Variants in CRACR2A observed in about 807,000 individuals in gnomAD.
The protein encoded by CRACR2A is EF-hand calcium-binding domain-containing protein 4B.
In CRACR2A, 79 loss-of-function variants were observed where a neutral mutation model predicts 90.5. The ratio of observed to expected loss-of-function variants is 0.87; its 90% CI spans 0.73 to 1.05. The LOEUF is 1.05. Among genes scored for constraint, CRACR2A ranks in the 50% least tolerant of loss-of-function variants. CRACR2A has a pLI of 0.00. For missense variants in CRACR2A, 823 were observed against 897.2 expected, an observed-to-expected ratio of 0.92 and a Z score of 1.06; for synonymous variants, 338 against 356.7, an observed-to-expected ratio of 0.95 and a Z score of 0.59.
chr12:3,749,849 G>C (rs976201115), intron 1 of CRACR2A, among the ~76,000 whole-genome samples: 2 of 145,884 alleles, frequency 1.4e-5, no homozygotes, highest in Admixed American at 6.8e-5. Flanking sequence ...GTGTTGTGTT[G>C]GTAGGAACAA....
At chr12:3,668,716 T>C (rs1416673937) in intron 7 of CRACR2A, among the ~76,000 whole-genome samples, 2 of 152,208 alleles carry the variant, frequency 1.3e-5, no homozygotes, top group Non-Finnish European at 1.5e-5. Flanking sequence ...CCATCATAGC[T>C]GGGGCTGCCT....
intron 5 of CRACR2A, among the ~76,000 whole-genome samples, chr12:3,679,725 T>C (rs977469048): frequency 6.6e-6 from 1 of 152,246 alleles, no homozygotes; most frequent in African/African-American, 2.4e-5. Flanking sequence ...GGTTTCTTTA[T>C]ATTGTTCATA....
At chr12:3,715,404 G>C (rs1946069135) in intron 2 of CRACR2A, among the ~76,000 whole-genome samples, 1 of 152,224 alleles carries the variant, frequency 6.6e-6, no homozygotes, top group South Asian at 2.1e-4. Flanking sequence ...GATTACAAGA[G>C]ACCAACCTGA....
At chr12:3,676,982 G>A (rs1392707839) in intron 6 of CRACR2A, among the ~76,000 whole-genome samples, 2 of 152,090 alleles carry the variant, frequency 1.3e-5, no homozygotes, top group African/African-American at 4.8e-5. Context: ...CTGGAGAAGG[G>A]ACAAGTCTTT....
At chr12:3,699,711 G>C (rs1001169947) in intron 3 of CRACR2A, among the ~76,000 whole-genome samples, 6 of 152,150 alleles carry the variant, frequency 3.9e-5, no homozygotes, top group Non-Finnish European at 8.8e-5. Context: ...AGTAGTTCTA[G>C]AGAAGTCAGC....
chr12:3,736,020 G>T (rs761245884), intron 1 of CRACR2A, among the ~76,000 whole-genome samples: 2 of 152,144 alleles, frequency 1.3e-5, no homozygotes, highest in Non-Finnish European at 2.9e-5. Flanking sequence ...CCCATCAGGA[G>T]GGTGGGCTTT....
chr12:3,647,571 G>C (rs967107519), intron 11 of CRACR2A, among the ~76,000 whole-genome samples: 3 of 152,060 alleles, frequency 2.0e-5, no homozygotes, highest in Non-Finnish European at 4.4e-5. Flanking sequence ...CGCGCAAATG[G>C]ATTATAGCCT....
At chr12:3,663,817 C>G (rs892513132) in intron 7 of CRACR2A, among the ~76,000 whole-genome samples, 2 of 152,172 alleles carry the variant, frequency 1.3e-5, no homozygotes, top group Admixed American at 1.3e-4. Context: ...TATGTGGAAC[C>G]CATTCGTCAA....
intron 7 of CRACR2A, among the ~76,000 whole-genome samples, chr12:3,668,191 C>T (rs1035243230): frequency 4.6e-5 from 7 of 152,090 alleles, no homozygotes; most frequent in African/African-American, 9.7e-5. Flanking sequence ...GTCACAACCT[C>T]GTCACCTAGA....
chr12:3,726,355 T>G (rs959784048), intron 2 of CRACR2A: 1 of 152,172 alleles, frequency 6.6e-6, no homozygotes, highest in Admixed American at 6.5e-5. Context: ...TAAAATAATA[T>G]GTCTGTCAAT....
chr12:3,622,662 AT>A (rs753879933), intron 17 of CRACR2A, among the ~76,000 whole-genome samples: 43 of 152,190 alleles, frequency 2.8e-4, no homozygotes, highest in Admixed American at 1.1e-3. Flanking sequence ...GCGTTTTAAT[AT>A]CTATTTGCTA....
In CRACR2A at chr12:3,638,123, C is replaced by A. The variant is rs1395377766; in HGVS notation, c.1602+1G>T. ...TGAACCAAGGTAGGCTGTGCCCTTA[C>A]CTTACACAGGGCTTCTTTTCCAACA... On this transcript the variant is annotated splice_donor_variant, in intron 14 of 19. Transcript: ENST00000440314. LOFTEE classifies it high-confidence loss of function. 6.5e-7 allele frequency: 1 copy of A among 1,541,382 alleles called. No homozygotes were observed. The highest frequency in any genetic ancestry group is 2.5e-5 in the East Asian group (1 of 40,672).
intron 13 of CRACR2A, among the ~76,000 whole-genome samples, chr12:3,639,557 G>A (rs1944525009): frequency 6.6e-6 from 1 of 151,378 alleles, no homozygotes; most frequent in Non-Finnish European, 1.5e-5. Context: ...AAGGAGAAAG[G>A]AACTAAATGA....
chr12:3,747,657 G>T (rs1164542124), intron 1 of CRACR2A, among the ~76,000 whole-genome samples: 3 of 152,168 alleles, frequency 2.0e-5, no homozygotes, highest in African/African-American at 7.2e-5. Flanking sequence ...TGGTAATTGG[G>T]TCATGGTAGC....
intron 2 of CRACR2A, among the ~76,000 whole-genome samples, chr12:3,714,619 G>C (rs902450941): frequency 3.3e-5 from 5 of 152,216 alleles, no homozygotes; most frequent in African/African-American, 9.7e-5. Flanking sequence ...GTTATTTCTA[G>C]ATGGTAACCT....
chr12:3,730,715 G>A (rs965951445), intron 2 of CRACR2A: 1 of 152,122 alleles, frequency 6.6e-6, no homozygotes, highest in African/African-American at 2.4e-5. Context: ...AGTGTGTAGA[G>A]TCTGTTATAA....
At chr12:3,751,162 G>A (rs1372492039) in intron 1 of CRACR2A, among the ~76,000 whole-genome samples, 1 of 152,108 alleles carries the variant, frequency 6.6e-6, no homozygotes, top group African/African-American at 2.4e-5. Context: ...CTACAATATG[G>A]AACAATCATA....
chr12:3,717,553 G>C (rs1489003614), intron 2 of CRACR2A, among the ~76,000 whole-genome samples: 1 of 152,100 alleles, frequency 6.6e-6, no homozygotes, highest in Admixed American at 6.5e-5. Flanking sequence ...ACCACCGACT[G>C]AACGATAACA....
At chr12:3,695,886 T>C (rs906791446) in intron 4 of CRACR2A, among the ~76,000 whole-genome samples, 15 of 152,230 alleles carry the variant, frequency 9.9e-5, no homozygotes, top group African/African-American at 3.6e-4. Flanking sequence ...GAGAAGTTTT[T>C]GAAACTAAAG....
Sources: gnomAD v4.1 joint callset for allele counts (sites outside exome capture counted in the v4.1 genomes callset) on GRCh38, gnomAD v4.1.1 for gene constraint, MANE v1.5 for transcripts, NCBI Gene and HGNC (gene_info 2026-07-23, HGNC 2026-07-21) for gene names.